Variants in TENM3 observed in about 807,000 individuals in gnomAD.
TENM3 encodes teneurin-3.
TENM3 carries 63 observed loss-of-function variants against 255.1 expected under a neutral mutation model. The observed-to-expected ratio is 0.25, with a 90% CI of 0.20 to 0.30. The LOEUF is 0.30. Ranked by LOEUF, TENM3 falls within the 10% of genes least tolerant of loss-of-function variation. The pLI is 1.00. For synonymous variants in TENM3, 1,306 were observed against 1,322.3 expected (o/e 0.99, Z 0.27); for missense variants, 2,929 against 3,461.1 (o/e 0.85, Z 3.86).
At chr4:182,446,194 C>A (rs1317660217) in intron 3 of TENM3, among the ~76,000 whole-genome samples, 2 of 152,134 alleles carry the variant, frequency 1.3e-5, no homozygotes, top group Non-Finnish European at 2.9e-5. Flanking sequence ...CAGTGTAAAT[C>A]CTTGATTATT....
At chr4:182,645,908 A>G (rs1279939927) in intron 5 of TENM3, among the ~76,000 whole-genome samples, 2 of 152,224 alleles carry the variant, frequency 1.3e-5, no homozygotes, top group East Asian at 3.8e-4. Flanking sequence ...AGTAGATGAT[A>G]CAAGGGCGTG....
chr4:181,800,582 G>A, the TENM3 span, among the ~76,000 whole-genome samples: 12 of 152,096 alleles, frequency 7.9e-5, no homozygotes, highest in Admixed American at 5.2e-4. Context: ...GCAGTGAGCC[G>A]AGATTGCACC....
chr4:181,640,171 G>C, the TENM3 span, among the ~76,000 whole-genome samples: 7 of 152,228 alleles, frequency 4.6e-5, no homozygotes, highest in Admixed American at 1.3e-4. Context: ...CATCACCTGG[G>C]AAATTGATAG....
At chr4:182,309,864 A>G (rs1389562733) in intron 1 of TENM3, among the ~76,000 whole-genome samples, 6 of 152,204 alleles carry the variant, frequency 3.9e-5, no homozygotes, top group Admixed American at 2.0e-4. Flanking sequence ...TGATGTCATT[A>G]TAGTAGCTGC....
At chr4:181,899,537 T>C in the TENM3 span, among the ~76,000 whole-genome samples, 1 of 151,776 alleles carries the variant, frequency 6.6e-6, no homozygotes, top group Non-Finnish European at 1.5e-5. Flanking sequence ...TGTTGTTTTG[T>C]TGTTTTGTTT....
chr4:182,683,731 G>A (rs1756349591), intron 11 of TENM3, among the ~76,000 whole-genome samples: 1 of 152,062 alleles, frequency 6.6e-6, no homozygotes, highest in Admixed American at 6.5e-5. Flanking sequence ...TATTGTTTTT[G>A]GAAAACTGTC....
chr4:181,620,931 A>G, the TENM3 span, among the ~76,000 whole-genome samples: 2 of 152,180 alleles, frequency 1.3e-5, no homozygotes, highest in Non-Finnish European at 2.9e-5. Flanking sequence ...TTCATGATCT[A>G]TGGATGGATG....
the TENM3 span, among the ~76,000 whole-genome samples, chr4:181,945,903 A>G: frequency 2.0e-5 from 3 of 151,896 alleles, no homozygotes; most frequent in Non-Finnish European, 4.4e-5. Context: ...ACACCCACAC[A>G]GTCTGGAGAA....
At chr4:182,350,698 GT>G in intron 3 of TENM3, among the ~76,000 whole-genome samples, 1 of 152,052 alleles carries the variant, frequency 6.6e-6, no homozygotes, top group Non-Finnish European at 1.5e-5. Context: ...GTTTTGTTTT[GT>G]TTTTTGAGAC....
chr4:181,459,385 T>A, the TENM3 span, among the ~76,000 whole-genome samples: 1 of 151,946 alleles, frequency 6.6e-6, no homozygotes, highest in African/African-American at 2.4e-5. Flanking sequence ...TCAATTTTTT[T>A]ATGATTTGAA....
intron 1 of TENM3, among the ~76,000 whole-genome samples, chr4:182,229,652 A>G (rs931203018): frequency 6.6e-6 from 1 of 152,068 alleles, no homozygotes; most frequent in African/African-American, 2.4e-5. Context: ...ACACACACAT[A>G]TATGTATATA....
the TENM3 span, among the ~76,000 whole-genome samples, chr4:181,972,338 G>A: frequency 4.0e-5 from 6 of 150,594 alleles, no homozygotes; most frequent in Admixed American, 1.3e-4. Context: ...AGGATTACTC[G>A]AGCCAGAGAG....
rs531355119 is a variant in TENM3 at position 182,339,021 on chromosome 4, AC to A, written c.233-7629del. ...CCATGAATTTCCAGTTAGACCCCAA[AC>A]TTTTCATTTCCCCAGTGTTCCCCCT... On this transcript the variant is annotated intron_variant, in intron 2 of 27. Coordinates refer to ENST00000511685, the MANE Select transcript of TENM3 (RefSeq NM_001080477.4). 1.6e-4 allele frequency among the ~76,000 whole-genome samples: 25 copies of A among 152,228 alleles called. No homozygotes were observed. In the East Asian group the frequency reaches 4.6e-3, roughly 28 times the overall value.
chr4:181,575,941 T>A, the TENM3 span, among the ~76,000 whole-genome samples: 1 of 150,004 alleles, frequency 6.7e-6, no homozygotes, highest in Admixed American at 6.6e-5. Flanking sequence ...AGGGGACACA[T>A]TTTGTTTTGC....
chr4:182,383,169 C>G (rs1013801143), intron 3 of TENM3, among the ~76,000 whole-genome samples: 4 of 152,078 alleles, frequency 2.6e-5, no homozygotes, highest in African/African-American at 9.7e-5. Context: ...GAAAAGACAT[C>G]AGGGTAGGGA....
intron 1 of TENM3, among the ~76,000 whole-genome samples, chr4:182,174,320 G>A (rs1443339699): frequency 6.6e-5 from 10 of 150,722 alleles, no homozygotes; most frequent in Non-Finnish European, 1.0e-4. Flanking sequence ...GCATTAACTC[G>A]GAACTGATTC....
chr4:182,422,120 T>G (rs1333514032), intron 3 of TENM3, among the ~76,000 whole-genome samples: 1 of 152,256 alleles, frequency 6.6e-6, no homozygotes, highest in Non-Finnish European at 1.5e-5. Flanking sequence ...AATGTGTTCC[T>G]GTGTCTTGAA....
intron 1 of TENM3, among the ~76,000 whole-genome samples, chr4:182,204,522 A>T (rs892039319): frequency 2.0e-5 from 3 of 152,184 alleles, no homozygotes; most frequent in Non-Finnish European, 4.4e-5. Flanking sequence ...TAGACACTGT[A>T]TACACCCCTG....
chr4:182,417,468 G>A (rs1459762010), intron 3 of TENM3, among the ~76,000 whole-genome samples: 1 of 152,038 alleles, frequency 6.6e-6, no homozygotes, highest in Non-Finnish European at 1.5e-5. Flanking sequence ...ATCCTTGTAT[G>A]ACATGCTTTT....
Sources: gnomAD v4.1 joint callset for allele counts (sites outside exome capture counted in the v4.1 genomes callset) on GRCh38, gnomAD v4.1.1 for gene constraint, MANE v1.5 for transcripts, NCBI Gene and HGNC (gene_info 2026-07-23, HGNC 2026-07-21) for gene names.